Variants in ACTR3C observed in about 807,000 individuals in gnomAD.
ACTR3C encodes the protein actin related protein 3C.
ACTR3C carries 18 observed loss-of-function variants against 26.3 expected under a neutral mutation model. The observed-to-expected ratio is 0.68, with a 90% CI of 0.47 to 1.01. The LOEUF (loss-of-function observed/expected upper bound fraction) is 1.01. ACTR3C is among the 50% of genes least tolerant of loss of function. The probability of loss-of-function intolerance (pLI) is 0.00; values close to 1 mark genes in which losing one functional copy is unlikely to be tolerated. For synonymous variants in ACTR3C, 55 were observed against 94.5 expected, an observed-to-expected ratio of 0.58 and a Z score of 2.42; for missense variants, 184 against 250.7, an observed-to-expected ratio of 0.73 and a Z score of 1.80.
At chr7:150,191,835 CATTAAGA>C in the ACTR3C span, among the ~76,000 whole-genome samples, 1 of 152,162 alleles carries the variant, frequency 6.6e-6, no homozygotes, top group South Asian at 2.1e-4. Flanking sequence ...CAGTTTTCAC[CATTAAGA>C]ATTATGTTAG....
the ACTR3C span, among the ~76,000 whole-genome samples, chr7:150,101,779 C>T: frequency 1.3e-5 from 2 of 151,730 alleles, no homozygotes; most frequent in African/African-American, 2.4e-5. Flanking sequence ...AATGCAAAGG[C>T]ATAATTGACT....
chr7:150,255,435 C>A (rs975894064), intron 6 of ACTR3C, among the ~76,000 whole-genome samples: 29 of 151,946 alleles, frequency 1.9e-4, no homozygotes, highest in African/African-American at 6.5e-4. Flanking sequence ...CCTTAGGTGC[C>A]CTCTGTGGGG....
the ACTR3C span, among the ~76,000 whole-genome samples, chr7:149,884,368 T>C: frequency 6.6e-6 from 1 of 152,100 alleles, no homozygotes; most frequent in African/African-American, 2.4e-5. Context: ...GGTCAAAAGA[T>C]AGAGAATTTC....
chr7:150,246,702 C>T (rs1832482289), downstream of ACTR3C: 1 of 151,970 alleles, frequency 6.6e-6, no homozygotes. Context: ...GTTAATGTTC[C>T]CTAGAAATTG....
the ACTR3C span, among the ~76,000 whole-genome samples, chr7:150,106,591 T>C: frequency 7.1e-6 from 1 of 141,412 alleles, no homozygotes; most frequent in East Asian, 2.0e-4. Context: ...GAGAGGTCAC[T>C]TAATTCACTT....
chr7:150,253,557 T>A (rs1052649934), intron 6 of ACTR3C, among the ~76,000 whole-genome samples: 5 of 152,168 alleles, frequency 3.3e-5, no homozygotes, highest in Non-Finnish European at 5.9e-5. Context: ...GTCTTTGGTT[T>A]TTTGTGGATT....
At chr7:149,911,542 A>G in the ACTR3C span, among the ~76,000 whole-genome samples, 712 of 152,236 alleles carry the variant, frequency 4.7e-3, 8 homozygotes, top group African/African-American at 0.015. Flanking sequence ...CGGAAGGACC[A>G]ATATTTGCAA....
the ACTR3C span, among the ~76,000 whole-genome samples, chr7:149,972,906 C>T: frequency 6.6e-6 from 1 of 150,764 alleles, no homozygotes; most frequent in Non-Finnish European, 1.5e-5. Flanking sequence ...CATGTCTGTC[C>T]CCATGTAATC....
the ACTR3C span, among the ~76,000 whole-genome samples, chr7:150,188,049 C>T: frequency 6.6e-6 from 1 of 150,384 alleles, no homozygotes. Flanking sequence ...CCACAAGATA[C>T]TTCATGCTTA....
the ACTR3C span, among the ~76,000 whole-genome samples, chr7:149,984,130 G>C: frequency 6.6e-6 from 1 of 151,980 alleles, no homozygotes; most frequent in Non-Finnish European, 1.5e-5. Flanking sequence ...AAGAAAGAAA[G>C]AAAAGAAAGT....
At chr7:150,134,082 G>C in the ACTR3C span, among the ~76,000 whole-genome samples, 2 of 152,054 alleles carry the variant, frequency 1.3e-5, no homozygotes, top group African/African-American at 2.4e-5. Context: ...TTGTCATTTT[G>C]TTCCATACTT....
chr7:150,198,723 C>A, the ACTR3C span, among the ~76,000 whole-genome samples: 2 of 149,146 alleles, frequency 1.3e-5, no homozygotes, highest in Admixed American at 1.3e-4. Flanking sequence ...AGCGTCTCCG[C>A]CCGGCAGCCA....
At chr7:150,023,945 G>T in the ACTR3C span, among the ~76,000 whole-genome samples, 2 of 136,832 alleles carry the variant, frequency 1.5e-5, no homozygotes, top group Non-Finnish European at 3.2e-5. Flanking sequence ...ATGACAGGAG[G>T]AAGCGCAGGC....
chr7:150,041,913 G>GA, the ACTR3C span, among the ~76,000 whole-genome samples: 4 of 149,190 alleles, frequency 2.7e-5, no homozygotes, highest in South Asian at 2.1e-4. Context: ...TCAGAGCCAG[G>GA]GGGGGAAGAG....
the ACTR3C span, among the ~76,000 whole-genome samples, chr7:150,199,687 GT>G: frequency 9.1e-5 from 4 of 43,850 alleles, no homozygotes; most frequent in South Asian, 1.5e-3. Flanking sequence ...TACAAGAAAA[GT>G]AAAAAAAAAA....
chr7:150,132,386 CA>C, the ACTR3C span, among the ~76,000 whole-genome samples: 3 of 152,064 alleles, frequency 2.0e-5, no homozygotes, highest in Admixed American at 6.6e-5. Context: ...CCACAATCTA[CA>C]ATGAATTTAA....
chr7:149,997,617 G>A, the ACTR3C span, among the ~76,000 whole-genome samples: 1 of 151,058 alleles, frequency 6.6e-6, no homozygotes, highest in African/African-American at 2.4e-5. Flanking sequence ...CCACATAAAG[G>A]CAGGATAATA....
chr7:150,277,722 A>T (rs184299878), intron 6 of ACTR3C, among the ~76,000 whole-genome samples: 3,575 of 151,852 alleles, frequency 0.024, 129 homozygotes, highest in African/African-American at 0.082. Context: ...GCTCTCACCT[A>T]TGCTCTGGAG....
the ACTR3C span, among the ~76,000 whole-genome samples, chr7:149,899,932 C>T: frequency 7.2e-6 from 1 of 139,196 alleles, no homozygotes; most frequent in African/African-American, 2.6e-5. Context: ...CTTCCAAGGA[C>T]ATTTCTCATC....
Sources: allele counts gnomAD v4.1 joint callset (sites outside exome capture counted in the v4.1 genomes callset), GRCh38; gene constraint gnomAD v4.1.1; transcripts MANE v1.5; gene names NCBI Gene and HGNC (gene_info 2026-07-23, HGNC 2026-07-21).